The following TIMD4 variants were observed in gnomAD, a reference collection of about 807,000 sequenced individuals.
TIMD4 encodes T cell immunoglobulin and mucin domain containing 4.
TIMD4 carries 31 observed loss-of-function variants against 41.2 expected under a neutral mutation model. That is an observed-to-expected ratio of 0.75 (90% CI 0.57 to 1.01). TIMD4 has a LOEUF of 1.01. TIMD4 is among the 50% of genes least tolerant of loss of function. The pLI, the probability that TIMD4 is intolerant of heterozygous loss-of-function variation, is 0.00. For missense variants in TIMD4, 479 were observed against 472.5 expected (o/e 1.01, Z -0.13); for synonymous variants, 204 against 177.1 (o/e 1.15, Z -1.21).
At chr5:156,924,930 G>T (rs1333544381) in intron 6 of TIMD4, among the ~76,000 whole-genome samples, 1 of 151,976 alleles carries the variant, frequency 6.6e-6, no homozygotes, top group Non-Finnish European at 1.5e-5. Flanking sequence ...TAGAGATAAG[G>T]CACAAGGCTT....
chr5:156,919,920 TAATA>T (rs1759202925), intron 8 of TIMD4, among the ~76,000 whole-genome samples: 1 of 152,184 alleles, frequency 6.6e-6, no homozygotes, highest in Admixed American at 6.5e-5. Flanking sequence ...AGGACTTCAT[TAATA>T]ATTTATGCCT....
At chr5:156,962,074 G>T (rs1309759467) in intron 1 of TIMD4, among the ~76,000 whole-genome samples, 2 of 151,906 alleles carry the variant, frequency 1.3e-5, no homozygotes, top group Non-Finnish European at 2.9e-5. Flanking sequence ...AGTCTACAAA[G>T]GATAGGGGAA....
At chr5:156,920,590 A>T (rs1759218771) in intron 7 of TIMD4, 87 bp from the exon 8 acceptor site, 1 of 1,423,446 alleles carries the variant, frequency 7.0e-7, no homozygotes, top group African/African-American at 1.4e-5. Flanking sequence ...GCTGCCCCGC[A>T]AAGAGCAGAT....
Position 156,954,458 on chromosome 5 carries a change from C to A in TIMD4, c.357G>T (p.Trp119Cys). The A allele has an allele frequency of 1.2e-6, 2 of 1,614,188 alleles. No individual in the cohort carries two copies. The highest frequency in any genetic ancestry group is 1.7e-6 in the Non-Finnish European group (2 of 1,180,038). Reference sequence around the variant, plus strand: ...GCACGTTTATCTTTACATCGTTGAACCAGCCAGGCACTTCTATGCGGCAGC... The same window carrying A: ...GCACGTTTATCTTTACATCGTTGAAACAGCCAGGCACTTCTATGCGGCAGC... ...VYCCRIEVPGWFNDVKINVRL... is the reference protein window; with the variant it reads ...VYCCRIEVPGCFNDVKINVRL... Residue 119 changes from tryptophan (W) to cysteine (C), a missense_variant, in exon 2 of 9, where the codon TGG (tryptophan) becomes TGT (cysteine). Physicochemically the swap from Trp to Cys is radical, Grantham distance 215. Coordinates refer to ENST00000274532, the MANE Select transcript of TIMD4 (RefSeq NM_138379.3).
chr5:156,926,548 G>C (rs1205227557), intron 5 of TIMD4, among the ~76,000 whole-genome samples: 1 of 152,216 alleles, frequency 6.6e-6, no homozygotes, highest in African/African-American at 2.4e-5. Context: ...GATGAGTAGA[G>C]TCAGGCATTG....
At chr5:156,921,763 A>G (rs1350232942) in intron 7 of TIMD4, among the ~76,000 whole-genome samples, 4 of 152,164 alleles carry the variant, frequency 2.6e-5, no homozygotes, top group Non-Finnish European at 5.9e-5. Flanking sequence ...AGTAGGAAAT[A>G]GTACTTTCCT....
chr5:156,935,624 T>A (rs1448445609), intron 5 of TIMD4: 1 of 152,148 alleles, frequency 6.6e-6, no homozygotes, highest in Non-Finnish European at 1.5e-5. Flanking sequence ...TGAGATACTG[T>A]CACATTTCAC....
At chr5:156,955,886 A>G (rs1262006292) in intron 1 of TIMD4, among the ~76,000 whole-genome samples, 1 of 152,194 alleles carries the variant, frequency 6.6e-6, no homozygotes, top group African/African-American at 2.4e-5. Flanking sequence ...ATAGGATACA[A>G]TGTGATGTTC....
At chr5:156,940,649 C>G (rs1028101307) in intron 5 of TIMD4, among the ~76,000 whole-genome samples, 2 of 151,686 alleles carry the variant, frequency 1.3e-5, no homozygotes, top group Non-Finnish European at 2.9e-5. Flanking sequence ...GCCACCACCC[C>G]ATCTGGGAGG....
chr5:156,960,304 G>A (rs750176647), intron 1 of TIMD4, among the ~76,000 whole-genome samples: 36 of 151,650 alleles, frequency 2.4e-4, no homozygotes, highest in Middle Eastern at 3.5e-3. Context: ...AAAGGCAGAT[G>A]GTAGCTTTCT....
At chr5:156,921,291 AG>A (rs1432201721) in intron 7 of TIMD4, among the ~76,000 whole-genome samples, 1 of 152,076 alleles carries the variant, frequency 6.6e-6, no homozygotes, top group Non-Finnish European at 1.5e-5. Flanking sequence ...TGTGGCCTCC[AG>A]GTTAAGAAAG....
chr5:156,924,390 T>C, intron 6 of TIMD4: 1 of 402,926 alleles, frequency 2.5e-6, no homozygotes, highest in Non-Finnish European at 5.0e-6. Flanking sequence ...GATGTAAAGT[T>C]TGGTTCAATG....
intron 1 of TIMD4, among the ~76,000 whole-genome samples, chr5:156,959,796 T>A (rs1435281922): frequency 6.6e-6 from 1 of 152,098 alleles, no homozygotes; most frequent in Non-Finnish European, 1.5e-5. Flanking sequence ...TCCCAGCACT[T>A]TGGGAGGCTG....
At chr5:156,940,837 G>A (rs1375128327) in intron 5 of TIMD4, among the ~76,000 whole-genome samples, 1 of 152,390 alleles carries the variant, frequency 6.6e-6, no homozygotes, top group South Asian at 2.1e-4. Context: ...TCATTGAGAA[G>A]GGGCCATGAT....
chr5:156,960,893 G>A (rs528626487), intron 1 of TIMD4, among the ~76,000 whole-genome samples: 20 of 152,200 alleles, frequency 1.3e-4, no homozygotes, highest in Admixed American at 2.6e-4. Flanking sequence ...AGGAGGATGC[G>A]AACTCATAGC....
intron 5 of TIMD4, 108 bp from the exon 6 acceptor site, chr5:156,926,420 T>A: frequency 9.5e-7 from 1 of 1,056,806 alleles, no homozygotes. Flanking sequence ...CTGATGTGTT[T>A]AATTATTTAA....
chr5:156,932,378 G>C (rs559355437), intron 5 of TIMD4, among the ~76,000 whole-genome samples: 1 of 152,274 alleles, frequency 6.6e-6, no homozygotes, highest in South Asian at 2.1e-4. Flanking sequence ...TTGAAGACAG[G>C]TGTTAGAAAC....
chr5:156,948,896 T>C (rs1295701598), intron 4 of TIMD4, among the ~76,000 whole-genome samples: 8 of 152,234 alleles, frequency 5.3e-5, no homozygotes, highest in Non-Finnish European at 1.0e-4. Context: ...CAGATGTCTG[T>C]TTTCCCTTGC....
chr5:156,941,091 T>C (rs1160469503), intron 5 of TIMD4, among the ~76,000 whole-genome samples: 2 of 152,158 alleles, frequency 1.3e-5, no homozygotes, highest in Non-Finnish European at 2.9e-5. Flanking sequence ...CAAGATGTGC[T>C]TTGTTAAACA....
Sources: gnomAD v4.1 joint callset for allele counts (sites outside exome capture counted in the v4.1 genomes callset) on GRCh38, gnomAD v4.1.1 for gene constraint, MANE v1.5 for transcripts, NCBI Gene and HGNC (gene_info 2026-07-23, HGNC 2026-07-21) for gene names.